The following RAD51B variants were observed in gnomAD, a reference collection of about 807,000 sequenced individuals.
The protein encoded by RAD51B is RAD51 paralog B.
Under a neutral mutation model 42.2 loss-of-function variants are expected in RAD51B, and 38 were observed. That is an observed-to-expected ratio of 0.90 (90% CI 0.70 to 1.18). The LOEUF is 1.18. Ranked by LOEUF, RAD51B falls within the 50% of genes most tolerant of loss-of-function variation. The pLI, the probability that RAD51B is intolerant of heterozygous loss-of-function variation, is 0.00. For synonymous variants in RAD51B, 154 were observed against 145.2 expected (o/e 1.06, Z -0.43); for missense variants, 373 against 400.7 (o/e 0.93, Z 0.59).
chr14:68,487,772 G>A (rs1472996185), intron 10 of RAD51B, among the ~76,000 whole-genome samples: 1 of 152,184 alleles, frequency 6.6e-6, no homozygotes, highest in Non-Finnish European at 1.5e-5. Flanking sequence ...GCCTCTCAAA[G>A]TGTTGGATTA....
chr14:68,189,666 A>T (rs2079224572), intron 7 of RAD51B, among the ~76,000 whole-genome samples: 1 of 151,494 alleles, frequency 6.6e-6, no homozygotes, highest in Non-Finnish European at 1.5e-5. Flanking sequence ...CCTTAAATTT[A>T]TTATTATTAT....
chr14:68,317,871 C>T (rs761323000), intron 8 of RAD51B, among the ~76,000 whole-genome samples: 3 of 152,198 alleles, frequency 2.0e-5, no homozygotes, highest in Non-Finnish European at 4.4e-5. Flanking sequence ...GTTCTGAGAA[C>T]AGTGAGTAAT....
At chr14:68,493,357 T>C (rs545113475) in intron 10 of RAD51B, among the ~76,000 whole-genome samples, 1 of 152,138 alleles carries the variant, frequency 6.6e-6, no homozygotes, top group Non-Finnish European at 1.5e-5. Flanking sequence ...AAAATCTGGA[T>C]GGTATCTGCT....
At chr14:67,987,060 G>T (rs1393044579) in intron 7 of RAD51B, among the ~76,000 whole-genome samples, 1 of 151,874 alleles carries the variant, frequency 6.6e-6, no homozygotes, top group African/African-American at 2.4e-5. Flanking sequence ...ATTTTTGTGG[G>T]TACATAGTCA....
chr14:67,825,444 C>A lies in RAD51B; in HGVS notation c.85-20C>A. ...TTGTTACACATATATGTTTAAAATA[C>A]TCTCTTTATGTTTCTTTAGGACTTT... On this transcript the variant is annotated intron_variant, in intron 2 of 10. Coordinates refer to ENST00000471583, the MANE Select transcript of RAD51B (RefSeq NM_133510.4). The A allele has an allele frequency of 6.5e-7, 1 of 1,533,316 alleles. No individual in the cohort carries two copies. The highest frequency in any genetic ancestry group is 9.0e-7 in the Non-Finnish European group (1 of 1,114,648). The allele number at this position is 1,533,316 out of a possible 1,614,324, so 95.0% of individuals were successfully genotyped here. A position where few individuals can be genotyped will look rare whatever the true frequency, so the allele number is the denominator to read the frequency against.
chr14:68,477,533 A>G, intron 10 of RAD51B, 115 bp from the exon 11 acceptor site: 5 of 1,269,928 alleles, frequency 3.9e-6, no homozygotes, highest in Non-Finnish European at 5.4e-6. Flanking sequence ...GGCAATACGT[A>G]TGAAAGAGGA....
intron 5 of RAD51B, among the ~76,000 whole-genome samples, chr14:67,873,181 A>G (rs539782358): frequency 4.9e-4 from 75 of 152,318 alleles, no homozygotes; most frequent in African/African-American, 1.8e-3. Context: ...AATTTTCGCA[A>G]CCTACTCGTC....
intron 7 of RAD51B, among the ~76,000 whole-genome samples, chr14:68,116,825 G>A (rs1331658833): frequency 2.6e-5 from 4 of 152,130 alleles, no homozygotes; most frequent in African/African-American, 4.8e-5. Context: ...GGCAAGAAAA[G>A]TTGGAATTTC....
chr14:68,592,527 A>T (rs1890800893), intron 10 of RAD51B, among the ~76,000 whole-genome samples: 1 of 152,218 alleles, frequency 6.6e-6, no homozygotes, highest in Non-Finnish European at 1.5e-5. Flanking sequence ...GAAAGCGAGC[A>T]TGGAAAAAAA....
At chr14:68,518,360 C>G (rs1414489902) in intron 10 of RAD51B, among the ~76,000 whole-genome samples, 2 of 152,184 alleles carry the variant, frequency 1.3e-5, no homozygotes, top group African/African-American at 4.8e-5. Flanking sequence ...GCTGTTCTGC[C>G]TGTGACTGCA....
intron 7 of RAD51B, among the ~76,000 whole-genome samples, chr14:67,901,197 G>C (rs2043600522): frequency 6.6e-6 from 1 of 152,180 alleles, no homozygotes; most frequent in South Asian, 2.1e-4. Flanking sequence ...CATGCCTGGG[G>C]TTGACTCCAT....
At chr14:68,432,534 T>C (rs1244633422) in intron 9 of RAD51B, among the ~76,000 whole-genome samples, 1 of 152,250 alleles carries the variant, frequency 6.6e-6, no homozygotes, top group Non-Finnish European at 1.5e-5. Context: ...TTGATCTTTG[T>C]TGGTTGAAAG....
intron 7 of RAD51B, among the ~76,000 whole-genome samples, chr14:68,189,243 G>A (rs1351153244): frequency 6.6e-6 from 1 of 151,930 alleles, no homozygotes; most frequent in Non-Finnish European, 1.5e-5. Context: ...GCCTTCAGAG[G>A]GTAGGAACAA....
intron 11 of RAD51B, among the ~76,000 whole-genome samples, chr14:68,664,492 G>A (rs1294906862): frequency 2.0e-5 from 3 of 152,110 alleles, no homozygotes; most frequent in African/African-American, 7.2e-5. Flanking sequence ...CATTTCACCC[G>A]ACTATTTTTA....
intron 7 of RAD51B, among the ~76,000 whole-genome samples, chr14:68,042,514 T>A (rs2076233371): frequency 6.6e-6 from 1 of 152,246 alleles, no homozygotes; most frequent in African/African-American, 2.4e-5. Context: ...TACCTATCCC[T>A]AACCCAGATT....
intron 7 of RAD51B, among the ~76,000 whole-genome samples, chr14:68,006,904 C>T (rs1400086711): frequency 6.6e-6 from 1 of 152,096 alleles, no homozygotes; most frequent in Non-Finnish European, 1.5e-5. Context: ...ATAAAATTCA[C>T]CATTTTAAAG....
chr14:67,995,389 C>CAAA (rs1487905870), intron 7 of RAD51B, among the ~76,000 whole-genome samples: 132 of 132,584 alleles, frequency 1.0e-3, no homozygotes, highest in African/African-American at 4.6e-3. Flanking sequence ...ATCTCAAAAA[C>CAAA]AACAACAACA....
intron 7 of RAD51B, among the ~76,000 whole-genome samples, chr14:67,931,840 C>G (rs1002535860): frequency 1.3e-5 from 2 of 152,112 alleles, no homozygotes; most frequent in African/African-American, 4.8e-5. Context: ...GGATGTGTTG[C>G]TGGAGAATTA....
intron 7 of RAD51B, among the ~76,000 whole-genome samples, chr14:68,071,503 C>G (rs555423455): frequency 6.6e-6 from 1 of 152,214 alleles, no homozygotes; most frequent in South Asian, 2.1e-4. Context: ...TTTCTTGCGG[C>G]TATTGAGATA....
Sources: gnomAD v4.1 joint callset for allele counts (sites outside exome capture counted in the v4.1 genomes callset) on GRCh38, gnomAD v4.1.1 for gene constraint, MANE v1.5 for transcripts, NCBI Gene and HGNC (gene_info 2026-07-23, HGNC 2026-07-21) for gene names.